Variants in MED13 observed in about 807,000 individuals in gnomAD.
The protein encoded by MED13 is mediator of RNA polymerase II transcription subunit 13.
MED13 carries 23 observed loss-of-function variants against 225.2 expected under a neutral mutation model. That is an observed-to-expected ratio of 0.10 (90% CI 0.07 to 0.14). MED13 has a LOEUF of 0.14. Ranked by LOEUF, MED13 falls within the 10% of genes least tolerant of loss-of-function variation. MED13 has a pLI of 1.00. For synonymous variants in MED13, 942 were observed against 889.2 expected, an observed-to-expected ratio of 1.06 and a Z score of -1.06; for missense variants, 2,197 against 2,594.5, an observed-to-expected ratio of 0.85 and a Z score of 3.33.
chr17:62,033,813 G>C lies in MED13; in HGVS notation c.788C>G (p.Ser263Cys), dbSNP rs370177110. Residue 263 changes from serine (S) to cysteine (C), a missense_variant, in exon 5 of 30, where the codon TCT becomes TGT. Physicochemically the swap from Ser to Cys is moderately radical, Grantham distance 112. Coordinates refer to ENST00000397786, the MANE Select transcript of MED13 (RefSeq NM_005121.3). ...AACAAGAACTTCTACTGCAGCTAAA[G>C]AATCATCTTCCCAATCCATATCTTC... Reference protein sequence around the residue: ...KQEDMDWEDDSLAAVEVLVAG... With the variant: ...KQEDMDWEDDCLAAVEVLVAG... 4.3e-6 allele frequency: 7 copies of C among 1,614,054 alleles called. No homozygotes were observed. In the Admixed American group the frequency reaches 8.3e-5, roughly 19 times the overall value.
chr17:62,035,610 TA>T lies in MED13; in HGVS notation c.471-3del, dbSNP rs2080795686. The T allele has an allele frequency of 6.3e-7, 1 of 1,599,484 alleles. No individual in the cohort carries two copies. Among genetic ancestry groups the T allele is most frequent in the African/African-American group, 1.4e-5 (1 of 74,036 alleles). ...GTGAAGGAGCAGGACAAGTGTTCAC[TA>T]AAAAAGAAGAAAAAGTTTTATCTTA... On this transcript the variant is annotated splice_region_variant and splice_polypyrimidine_tract_variant and intron_variant, in intron 3 of 29. Coordinates refer to ENST00000397786, the MANE Select transcript of MED13 (RefSeq NM_005121.3).
intron 9 of MED13, among the ~76,000 whole-genome samples, chr17:62,002,453 C>G (rs532007348): frequency 7.1e-6 from 1 of 139,908 alleles, no homozygotes; most frequent in South Asian, 2.3e-4. Flanking sequence ...TGCGCCACTG[C>G]ACTCCAGCCC....
At chr17:62,008,990 A>G (rs1312249888) in intron 9 of MED13, among the ~76,000 whole-genome samples, 4 of 152,232 alleles carry the variant, frequency 2.6e-5, no homozygotes, top group African/African-American at 9.6e-5. Flanking sequence ...AGTCTAAGAC[A>G]TTATTTAACC....
At position 62,010,829 on chromosome 17, in the gene MED13, A is replaced by G. The variant is rs369045892; in HGVS notation, c.1688T>C (p.Met563Thr). The change falls in exon 9 of 30, where the codon ATG becomes ACG. Residue 563 changes from methionine to threonine, a missense_variant. Met to Thr is a moderately conservative substitution (Grantham distance 81, BLOSUM62 -1). Coordinates refer to ENST00000397786, the MANE Select transcript of MED13 (RefSeq NM_005121.3). ...STPQSQHFYQ[M>T]PTPDPLVPSK... is the part of the protein sequence containing the mutation. ...AGGAACCAAGGGATCTGGTGTTGGC[A>G]TTTGATAAAAATGTTGACTCTGAGG... The G allele has an allele frequency of 5.6e-6, 9 of 1,614,090 alleles. No homozygotes were observed. Among genetic ancestry groups the G allele is most frequent in the Admixed American group, 1.7e-5 (1 of 60,012 alleles).
intron 8 of MED13, among the ~76,000 whole-genome samples, chr17:62,017,595 A>C (rs1347465498): frequency 6.6e-6 from 1 of 152,172 alleles, no homozygotes; most frequent in Non-Finnish European, 1.5e-5. Flanking sequence ...GAAATTTACA[A>C]AGATGGTGCA....
At position 61,968,364 on chromosome 17, in the gene MED13, C is replaced by T. The variant is rs1053170334; in HGVS notation, c.3968-106G>A. The stretch of plus-strand genomic sequence containing the variant: ...TTTTTGAGACAGAGTCTCGCTCTGT[C>T]GCCCAGACTGGAGTGCAGTGGCGCC... On this transcript the variant is annotated intron_variant, in intron 17 of 29. Coordinates refer to ENST00000397786, the MANE Select transcript of MED13 (RefSeq NM_005121.3). 3.2e-5 allele frequency: 27 copies of T among 855,810 alleles called. No homozygotes were observed. In the Admixed American group the frequency reaches 8.0e-4, roughly 25 times the overall value. The allele number at this position is 855,810 out of a possible 1,614,324, so 53.0% of individuals were successfully genotyped here.
chr17:61,978,219 A>G (rs985914851), intron 16 of MED13, among the ~76,000 whole-genome samples: 25 of 149,824 alleles, frequency 1.7e-4, no homozygotes, highest in African/African-American at 5.9e-4. Flanking sequence ...GCAGGATCTC[A>G]GGCTCATTGC....
chr17:61,971,419 C>T (rs2080108094), intron 17 of MED13, among the ~76,000 whole-genome samples: 1 of 151,906 alleles, frequency 6.6e-6, no homozygotes, highest in Admixed American at 6.6e-5. Context: ...CTGCCACAGC[C>T]TCTCAAGTAG....
At chr17:61,951,563 C>T (rs2143290716) in intron 27 of MED13, among the ~76,000 whole-genome samples, 1 of 151,868 alleles carries the variant, frequency 6.6e-6, no homozygotes. Flanking sequence ...ACATCATTAT[C>T]TATAACAAAA....
At chr17:61,986,595 T>A (rs753754472) in intron 12 of MED13, among the ~76,000 whole-genome samples, 2 of 152,228 alleles carry the variant, frequency 1.3e-5, no homozygotes, top group Admixed American at 6.5e-5. Flanking sequence ...AGAGCTGGTA[T>A]TCCTTAATAA....
chr17:61,944,221 T>C lies in MED13; in HGVS notation c.*2247A>G, dbSNP rs2079835545. ...TGTCAGGGAATAATTTTAAATCTAC[T>C]TTCAAATTGAGGTGTGGTTATCATA... On this transcript the variant is annotated 3_prime_UTR_variant, in exon 30 of 30. Coordinates refer to ENST00000397786, the MANE Select transcript of MED13 (RefSeq NM_005121.3). The C allele has an allele frequency of 6.6e-6, 1 of 152,604 alleles. No individual in the cohort carries two copies. Among genetic ancestry groups the C allele is most frequent in the African/African-American group, 2.4e-5 (1 of 41,456 alleles). The allele number at this position is 152,604 out of a possible 1,614,324, so 9.5% of individuals were successfully genotyped here.
chr17:61,981,307 C>T (rs2080202493), intron 16 of MED13, among the ~76,000 whole-genome samples: 1 of 152,186 alleles, frequency 6.6e-6, no homozygotes, highest in African/African-American at 2.4e-5. Flanking sequence ...CAGGCATGAG[C>T]CACTGTGCCA....
At chr17:62,054,325 G>C (rs2080980246) in intron 2 of MED13, among the ~76,000 whole-genome samples, 1 of 151,482 alleles carries the variant, frequency 6.6e-6, no homozygotes, top group Non-Finnish European at 1.5e-5. Flanking sequence ...CAAAAAAAAA[G>C]GTAAGCTTAG....
chr17:62,052,680 A>G lies in MED13; in HGVS notation c.327T>C (p.Asn109=). Residue 109 remains asparagine (N), a synonymous_variant, in exon 3 of 30, where the codon AAT becomes AAC. Coordinates refer to ENST00000397786, the MANE Select transcript of MED13 (RefSeq NM_005121.3). ...LSEEEDGVWE[N]GLSYECRTLL... ...GAGTACGGCATTCATAGGAAAGTCC[A>G]TTCTCCCACACTCCATCTTCTTCTT... 1 of 1,585,316 alleles carries G rather than the reference A, an allele frequency of 6.3e-7. No homozygotes were observed. The highest frequency in any genetic ancestry group is 8.6e-7 in the Non-Finnish European group (1 of 1,164,260).
intron 8 of MED13, among the ~76,000 whole-genome samples, chr17:62,018,542 T>G (rs1178488021): frequency 6.6e-6 from 1 of 151,992 alleles, no homozygotes; most frequent in Admixed American, 6.6e-5. Context: ...CAATCTCTAT[T>G]ACAAATACAC....
intron 8 of MED13, among the ~76,000 whole-genome samples, chr17:62,018,744 A>G (rs1433805625): frequency 1.3e-5 from 2 of 151,606 alleles, no homozygotes. Flanking sequence ...ATACTGAAGG[A>G]TGCATACGGG....
At chr17:62,032,082 G>GT (rs913909441) in intron 5 of MED13, among the ~76,000 whole-genome samples, 2 of 151,542 alleles carry the variant, frequency 1.3e-5, no homozygotes, top group Non-Finnish European at 2.9e-5. Context: ...AAAAATGTGT[G>GT]TTTTTTCTGT....
At chr17:62,033,272 T>G (rs187831905) in intron 5 of MED13, among the ~76,000 whole-genome samples, 1 of 152,218 alleles carries the variant, frequency 6.6e-6, no homozygotes, top group Admixed American at 6.5e-5. Flanking sequence ...TCTTAAGTTA[T>G]TGGAAGTGGT....
intron 23 of MED13, among the ~76,000 whole-genome samples, chr17:61,958,327 C>T (rs561245130): frequency 3.3e-5 from 5 of 152,080 alleles, no homozygotes; most frequent in Non-Finnish European, 5.9e-5. Flanking sequence ...GCGACCACAC[C>T]CCACTAATTT....
Sources: allele counts gnomAD v4.1 joint callset (sites outside exome capture counted in the v4.1 genomes callset), GRCh38; gene constraint gnomAD v4.1.1; transcripts MANE v1.5; gene names NCBI Gene and HGNC (gene_info 2026-07-23, HGNC 2026-07-21).